D2HGDH: variants seen among roughly 807,000 people sequenced by gnomAD.
D2HGDH encodes the protein D-2-hydroxyglutarate dehydrogenase, mitochondrial.
Under a neutral mutation model 46.9 loss-of-function variants are expected in D2HGDH, and 31 were observed. The ratio of observed to expected loss-of-function variants is 0.66; its 90% confidence interval spans 0.50 to 0.89. D2HGDH has a LOEUF of 0.89. Among genes scored for constraint, D2HGDH ranks in the 40% least tolerant of loss-of-function variants. The probability of loss-of-function intolerance (pLI) is 0.00; values close to 1 mark genes in which losing one functional copy is unlikely to be tolerated. For synonymous variants in D2HGDH, 364 were observed against 332.6 expected (o/e 1.09, Z -1.03); for missense variants, 698 against 720.8 (o/e 0.97, Z 0.36).
intron 7 of D2HGDH, 47 bp from the exon 8 acceptor site, chr2:241,751,199 T>G: frequency 1.9e-6 from 3 of 1,613,338 alleles, no homozygotes; most frequent in South Asian, 2.2e-5. Flanking sequence ...ATTCTTGCCC[T>G]GGCAGCCGGA....
At chr2:241,762,600 C>T (rs1415902775) in intron 9 of D2HGDH, among the ~76,000 whole-genome samples, 1 of 152,186 alleles carries the variant, frequency 6.6e-6, no homozygotes, top group Non-Finnish European at 1.5e-5. Context: ...CTGTTCTCCT[C>T]TTGGAACTCA....
intron 9 of D2HGDH, among the ~76,000 whole-genome samples, chr2:241,756,452 C>CT (rs2125159519): frequency 6.6e-6 from 1 of 152,350 alleles, no homozygotes; most frequent in South Asian, 2.1e-4. Flanking sequence ...TTCAGATCAT[C>CT]TTTTTTCTGC....
intron 9 of D2HGDH, among the ~76,000 whole-genome samples, chr2:241,761,847 A>T (rs747304842): frequency 6.6e-6 from 1 of 151,752 alleles, no homozygotes; most frequent in Non-Finnish European, 1.5e-5. Flanking sequence ...AACAGCTCAG[A>T]TTTTCTTTGT....
intron 6 of D2HGDH, among the ~76,000 whole-genome samples, chr2:241,747,864 C>T (rs1696287784): frequency 6.6e-6 from 1 of 152,070 alleles, no homozygotes. Flanking sequence ...CGTCGGGCTC[C>T]ATTCTGCTTT....
At chr2:241,747,807 C>G (rs1030567486) in intron 6 of D2HGDH, among the ~76,000 whole-genome samples, 2 of 152,174 alleles carry the variant, frequency 1.3e-5, no homozygotes, top group African/African-American at 4.8e-5. Context: ...AAACAATTCT[C>G]CTGCCTTGGC....
chr2:241,747,754 G>A (rs1169422886), intron 6 of D2HGDH, among the ~76,000 whole-genome samples: 2 of 152,034 alleles, frequency 1.3e-5, no homozygotes, highest in Non-Finnish European at 2.9e-5. Context: ...TATAGAGACA[G>A]GGTCTCCCAT....
At chr2:241,749,978 G>A (rs1253754035) in intron 6 of D2HGDH, 173 bp from the exon 7 acceptor site, 2 of 867,366 alleles carry the variant, frequency 2.3e-6, no homozygotes, top group Admixed American at 4.1e-5. Flanking sequence ...CACCAGGCGT[G>A]CACCTGCCAG....
At chr2:241,761,106 G>A (rs937030312) in intron 9 of D2HGDH, among the ~76,000 whole-genome samples, 2 of 151,974 alleles carry the variant, frequency 1.3e-5, no homozygotes, top group Non-Finnish European at 2.9e-5. Context: ...CTGTATTTGC[G>A]GGCTCCACAT....
At chr2:241,739,962 T>C (rs145651468) in intron 2 of D2HGDH, among the ~76,000 whole-genome samples, 3,428 of 152,212 alleles carry the variant, frequency 0.023, 118 homozygotes, top group African/African-American at 0.078. Context: ...CTGGGGAACA[T>C]GGTGAAACCC....
Position 241,742,744 on chromosome 2 carries a change from C to A in D2HGDH, c.490+170C>A, listed in dbSNP as rs370105810. Among the ~76,000 whole-genome samples the A allele has an allele frequency of 6.6e-6, 1 of 152,222 alleles. No individual in the cohort carries two copies. Among genetic ancestry groups the A allele is most frequent in the African/African-American group, 2.4e-5 (1 of 41,460 alleles). ...GGCCGCCTAGCCCCACCTCGCCCGG[C>A]CCCTCCAGACATGCGTGCTGGTGAG... On this transcript the variant is annotated intron_variant, in intron 4 of 9. Coordinates refer to ENST00000321264, the MANE Select transcript of D2HGDH (RefSeq NM_152783.5). The surrounding 1 kb of genome is among the most constrained non-coding windows in gnomAD (Gnocchi z 4.8).
Position 241,755,652 on chromosome 2 carries a change from A to G in D2HGDH, c.1141-197A>G, listed in dbSNP as rs1010334025. ...TCTGGGGCATTCGCTGTCCTGGGTC[A>G]GAGCCCCTCCTGGTCTGGGACATTC... is the stretch of plus-strand genomic sequence containing the variant. On this transcript the variant is annotated intron_variant, in intron 8 of 9. Transcript: ENST00000321264. 2.3e-5 allele frequency: 36 copies of G among 1,537,766 alleles called. No homozygotes were observed. The African/African-American group carries it at 2.4e-4, about 10-fold the overall frequency.
Position 241,744,740 on chromosome 2 carries a change from TG to T in D2HGDH, c.717del (p.Thr240ProfsTer3). ...GCCGACGGCACTGTCCTGGACTGCC[TG>T]ACCTCCCTGAGGAAGGACAACACGG... ...VLADGTVLDC[L>X]TSLRKDNTGY... On this transcript the variant is annotated frameshift_variant, in exon 6 of 10. Coordinates refer to ENST00000321264, the MANE Select transcript of D2HGDH (RefSeq NM_152783.5). LOFTEE classifies it high-confidence loss of function. 1 of 1,614,260 alleles carries T rather than the reference TG, an allele frequency of 6.2e-7. No individual in the cohort carries two copies. Among genetic ancestry groups the T allele is most frequent in the Non-Finnish European group, 8.5e-7 (1 of 1,180,042 alleles).
At chr2:241,763,299 T>G (rs1181805551) in intron 9 of D2HGDH, among the ~76,000 whole-genome samples, 1 of 152,190 alleles carries the variant, frequency 6.6e-6, no homozygotes, top group East Asian at 1.9e-4. Flanking sequence ...CCATTGCCCC[T>G]AGGTGACAAA....
chr2:241,751,673 C>T (rs547249196), intron 8 of D2HGDH, among the ~76,000 whole-genome samples: 4 of 152,382 alleles, frequency 2.6e-5, no homozygotes, highest in African/African-American at 7.2e-5. Context: ...TGGTCCCCTG[C>T]AGCCTGTGGT....
intron 5 of D2HGDH, among the ~76,000 whole-genome samples, chr2:241,744,423 C>CGGGAGCT (rs1455317801): frequency 6.6e-6 from 1 of 152,234 alleles, no homozygotes; most frequent in Admixed American, 6.5e-5. Flanking sequence ...GCCCACAGCT[C>CGGGAGCT]GGGAGCTTTG....
chr2:241,750,391 G>GGCC, intron 7 of D2HGDH, 97 bp downstream of exon 7: 3 of 452,584 alleles, frequency 6.6e-6, no homozygotes, highest in Non-Finnish European at 1.1e-5. Flanking sequence ...GGCGGGGGGT[G>GGCC]CCCGGGCGGG....
Position 241,735,410 on chromosome 2 carries a change from G to C in D2HGDH, c.186G>C (p.Val62=). 6.2e-7 allele frequency: 1 copy of C among 1,604,572 alleles called. No homozygotes were observed. Among genetic ancestry groups the C allele is most frequent in the South Asian group, 1.1e-5 (1 of 90,116 alleles). Residue 62 remains valine (V), a synonymous_variant, in exon 2 of 10, where the codon GTG becomes GTC. Coordinates refer to ENST00000321264, the MANE Select transcript of D2HGDH (RefSeq NM_152783.5). ...YPVRRLPFST[V]SKQDLAAFER... ...TGCGGCGCTTGCCGTTCTCCACGGT[G>C]TCTAAGCAGGACCTGGCCGCCTTTG...
Position 241,768,254 on chromosome 2 carries a change from G to A in D2HGDH, c.*285G>A, listed in dbSNP as rs1055524980. 1.0e-5 allele frequency: 5 copies of A among 488,320 alleles called. No individual in the cohort carries two copies. The highest frequency in any genetic ancestry group is 7.9e-5 in the African/African-American group (4 of 50,718). 30.2% of individuals were successfully genotyped at this position (488,320 alleles called of 1,614,324 possible). The stretch of plus-strand genomic sequence containing the variant: ...GCGGCAGCTTTGCCCACGTGGAAGC[G>A]GGGTGGGTCTCACTTGCGTGGTGGC... On this transcript the variant is annotated 3_prime_UTR_variant, in exon 10 of 10. Transcript: ENST00000321264.
chr2:241,751,553 G>A (rs1414273710), intron 8 of D2HGDH, among the ~76,000 whole-genome samples, 165 bp downstream of exon 8: 1 of 152,234 alleles, frequency 6.6e-6, no homozygotes, highest in Non-Finnish European at 1.5e-5. Flanking sequence ...GATGGAAAAT[G>A]TATTCCTGGT....
Sources: gnomAD v4.1 joint callset for allele counts (sites outside exome capture counted in the v4.1 genomes callset) on GRCh38, gnomAD v4.1.1 for gene constraint, Gnocchi (gnomAD v3.1) non-coding constraint, MANE v1.5 for transcripts, NCBI Gene and HGNC (gene_info 2026-07-23, HGNC 2026-07-21) for gene names.